Variants in CDIN1 observed in about 807,000 individuals in gnomAD.
The protein encoded by CDIN1 is CDAN1 interacting nuclease 1, also known as CDAN1-interacting nuclease 1.
A neutral mutation model predicts 45.3 loss-of-function variants in CDIN1; 33 were observed. The observed-to-expected ratio is 0.73, with a 90% CI of 0.55 to 0.97. CDIN1 has a LOEUF of 0.97. Among genes scored for constraint, CDIN1 ranks in the 50% least tolerant of loss-of-function variants. CDIN1 has a pLI of 0.00. For missense variants in CDIN1, 303 were observed against 339.4 expected (o/e 0.89, Z 0.84); for synonymous variants, 118 against 124.4 (o/e 0.95, Z 0.34).
chr15:36,586,002 C>G (rs1015169556), intron 1 of CDIN1, among the ~76,000 whole-genome samples: 2 of 152,144 alleles, frequency 1.3e-5, no homozygotes, highest in African/African-American at 4.8e-5. Flanking sequence ...ATCATGAGCT[C>G]ATTCAGCCTT....
Position 36,620,272 on chromosome 15 carries a change from C to A in CDIN1, c.102-24006C>A, listed in dbSNP as rs537935499. On this transcript the variant is annotated intron_variant, in intron 1 of 10. Coordinates refer to ENST00000566621, the MANE Select transcript of CDIN1 (RefSeq NM_001321759.2). ...AGGCTGAGGCAGGAGAATGGCGTGA[C>A]ACCGGGGGGCGGAGCTTGCAGTGAG... is the stretch of plus-strand genomic sequence containing the variant. Among the ~76,000 whole-genome samples, 336 of 152,070 alleles carry A rather than the reference C, an allele frequency of 2.2e-3. 3 individuals are homozygous for A. The highest frequency in any genetic ancestry group is 7.6e-3 in the African/African-American group (317 of 41,460).
chr15:36,641,581 C>T (rs2040109426), intron 1 of CDIN1: 2 of 152,150 alleles, frequency 1.3e-5, no homozygotes, highest in South Asian at 4.1e-4. Context: ...GTATTTGGTA[C>T]AAATTAAATG....
chr15:36,585,005 T>C (rs924531943), intron 1 of CDIN1, among the ~76,000 whole-genome samples: 3 of 152,232 alleles, frequency 2.0e-5, no homozygotes, highest in African/African-American at 7.2e-5. Flanking sequence ...TATTTATTGA[T>C]TGACATTTTT....
At chr15:36,796,534 C>T (rs1044994148) in intron 10 of CDIN1, among the ~76,000 whole-genome samples, 2 of 152,214 alleles carry the variant, frequency 1.3e-5, no homozygotes, top group African/African-American at 4.8e-5. Context: ...ACCCTCAGCA[C>T]AACCAGAATC....
At chr15:36,593,042 T>C (rs1230603905) in intron 1 of CDIN1, among the ~76,000 whole-genome samples, 5 of 152,314 alleles carry the variant, frequency 3.3e-5, no homozygotes, top group East Asian at 3.9e-4. Flanking sequence ...AGAGTCCTTA[T>C]TTATAAAATG....
intron 10 of CDIN1, among the ~76,000 whole-genome samples, chr15:36,797,979 CA>C (rs570630838): frequency 1.2e-3 from 65 of 55,162 alleles, no homozygotes; most frequent in Admixed American, 1.7e-3. Context: ...GACTCCATCT[CA>C]AAAAAAAAAA....
intron 1 of CDIN1, among the ~76,000 whole-genome samples, chr15:36,585,222 T>A (rs1384170291): frequency 2.0e-5 from 3 of 152,154 alleles, no homozygotes; most frequent in Non-Finnish European, 2.9e-5. Flanking sequence ...TCACCCAGCT[T>A]CTCTTAATGT....
In CDIN1 at chr15:36,797,291, T is replaced by C. The variant is rs189283064; in HGVS notation, c.717-11033T>C. 5.5e-3 allele frequency among the ~76,000 whole-genome samples: 838 copies of C among 152,012 alleles called. 6 individuals are homozygous for C. Among genetic ancestry groups the C allele is most frequent in the Non-Finnish European group, 0.01 (689 of 67,946 alleles). ...TAAAACAGATGAACCTGCTGAGATATGGCCAGGAACAGTAGTACTTCATTT... is the reference window on the plus strand; with the variant it reads ...TAAAACAGATGAACCTGCTGAGATACGGCCAGGAACAGTAGTACTTCATTT... On this transcript the variant is annotated intron_variant, in intron 10 of 10. Coordinates refer to ENST00000566621, the MANE Select transcript of CDIN1 (RefSeq NM_001321759.2).
chr15:36,744,118 A>T (rs1057425105), intron 10 of CDIN1, among the ~76,000 whole-genome samples: 1 of 151,984 alleles, frequency 6.6e-6, no homozygotes, highest in Middle Eastern at 3.2e-3. Context: ...TGTACAGAGG[A>T]ATTCTGCAAT....
chr15:36,607,499 C>T (rs1299273115), intron 1 of CDIN1, among the ~76,000 whole-genome samples: 2 of 152,206 alleles, frequency 1.3e-5, no homozygotes, highest in South Asian at 2.1e-4. Flanking sequence ...ATCTAATATG[C>T]ATTCCATCTG....
intron 1 of CDIN1, chr15:36,619,092 G>A: frequency 1.8e-6 from 2 of 1,096,616 alleles, no homozygotes; most frequent in Non-Finnish European, 1.3e-6. Flanking sequence ...AACCAAATGA[G>A]AAGCCAGAAG....
At chr15:36,729,942 T>C (rs192778580) in intron 10 of CDIN1, among the ~76,000 whole-genome samples, 1 of 152,340 alleles carries the variant, frequency 6.6e-6, no homozygotes, top group East Asian at 1.9e-4. Context: ...GTCAAGTTAT[T>C]ATTATCAAAG....
chr15:36,618,902 A>G, intron 1 of CDIN1: 3 of 1,279,198 alleles, frequency 2.3e-6, no homozygotes, highest in South Asian at 2.4e-5. Context: ...TAATCGTAAC[A>G]TAAATGTAGC....
intron 1 of CDIN1, among the ~76,000 whole-genome samples, chr15:36,601,747 C>T (rs1053854786): frequency 1.3e-5 from 2 of 152,182 alleles, no homozygotes; most frequent in Non-Finnish European, 2.9e-5. Flanking sequence ...GAATTCCTAA[C>T]CGTATGAGTA....
intron 10 of CDIN1, chr15:36,734,410 T>TTTA: frequency 2.6e-6 from 1 of 387,478 alleles, no homozygotes. Flanking sequence ...TTTTTTTTTT[T>TTTA]AAAAAAAGCT....
In CDIN1 at chr15:36,579,693, C is replaced by T. The variant is rs757300888; in HGVS notation, c.-168C>T. ...AGCCTGGGACCGGGCGAGTCTCCGC[C>T]CCGCTTTTGCAGCTAGGGGTGTGTT... On this transcript the variant is annotated 5_prime_UTR_variant, in exon 1 of 11. Coordinates refer to ENST00000566621, the MANE Select transcript of CDIN1 (RefSeq NM_001321759.2). The T allele has an allele frequency of 3.5e-6, 2 of 579,418 alleles. No individual in the cohort carries two copies. Among genetic ancestry groups the T allele is most frequent in the Admixed American group, 3.3e-5 (1 of 30,540 alleles). The allele number at this position is 579,418 out of a possible 1,614,324, so 35.9% of individuals were successfully genotyped here. A position where few individuals can be genotyped will look rare whatever the true frequency, so the allele number is the denominator to read the frequency against.
intron 5 of CDIN1, among the ~76,000 whole-genome samples, chr15:36,668,659 A>G (rs1016903598): frequency 6.6e-6 from 1 of 152,086 alleles, no homozygotes; most frequent in African/African-American, 2.4e-5. Flanking sequence ...GATATTGCCC[A>G]AGTGTTTAGC....
intron 1 of CDIN1, among the ~76,000 whole-genome samples, chr15:36,601,715 C>G (rs2038113748): frequency 6.6e-6 from 1 of 152,192 alleles, no homozygotes; most frequent in Admixed American, 6.5e-5. Flanking sequence ...TAGACCTTTG[C>G]TTTTGGCCTT....
chr15:36,768,193 C>G (rs1474557234), intron 10 of CDIN1, among the ~76,000 whole-genome samples: 1 of 152,154 alleles, frequency 6.6e-6, no homozygotes, highest in Admixed American at 6.5e-5. Flanking sequence ...ATCTTTAAAC[C>G]CTGTGACTCC....
Sources: allele counts gnomAD v4.1 joint callset (sites outside exome capture counted in the v4.1 genomes callset), GRCh38; gene constraint gnomAD v4.1.1; transcripts MANE v1.5; gene names NCBI Gene and HGNC (gene_info 2026-07-23, HGNC 2026-07-21).